SLC2A9: variants seen among roughly 807,000 people sequenced by gnomAD.
SLC2A9 encodes solute carrier family 2, facilitated glucose transporter member 9.
In SLC2A9, 39 loss-of-function variants were observed where a neutral mutation model predicts 50.6. That is an observed-to-expected ratio of 0.77 (90% CI 0.60 to 1.01). The LOEUF (loss-of-function observed/expected upper bound fraction) is 1.01. Ranked by LOEUF, SLC2A9 falls within the 50% of genes least tolerant of loss-of-function variation. The pLI, the probability that SLC2A9 is intolerant of heterozygous loss-of-function variation, is 0.00. For missense variants in SLC2A9, 686 were observed against 677.6 expected (o/e 1.01, Z -0.14); for synonymous variants, 324 against 276.9 (o/e 1.17, Z -1.69).
intron 1 of SLC2A9, among the ~76,000 whole-genome samples, chr4:10,037,762 G>A (rs967605877): frequency 2.6e-5 from 4 of 151,820 alleles, no homozygotes; most frequent in South Asian, 2.1e-4. Flanking sequence ...CAGCCTGAGC[G>A]ACATGGTGAA....
At chr4:10,025,719 C>T (rs1763727250), upstream of SLC2A9, 1 of 607,014 alleles carries the variant, frequency 1.6e-6, no homozygotes, top group Non-Finnish European at 2.9e-6. Context: ...TCTTCTGAGC[C>T]TCATCCCAGA....
chr4:9,879,174 T>A (rs1734788502), intron 10 of SLC2A9: 1 of 984,650 alleles, frequency 1.0e-6, no homozygotes, highest in Non-Finnish European at 1.2e-6. Flanking sequence ...GGGGTGGGGA[T>A]ACACTAGGAG....
chr4:9,808,505 A>C (rs1306401102), intron 3 of SLC2A9, among the ~76,000 whole-genome samples: 1 of 152,130 alleles, frequency 6.6e-6, no homozygotes, highest in Non-Finnish European at 1.5e-5. Context: ...TATCAGTAAT[A>C]ATAATTATTG....
chr4:9,811,892 C>T (rs1409536036), intron 3 of SLC2A9, among the ~76,000 whole-genome samples: 6 of 151,934 alleles, frequency 3.9e-5, no homozygotes, highest in East Asian at 1.9e-4. Flanking sequence ...CAGAGAAAAG[C>T]GGAAGGAAAA....
downstream of SLC2A9, among the ~76,000 whole-genome samples, chr4:9,779,270 T>C (rs1441115278): frequency 6.6e-6 from 1 of 152,176 alleles, no homozygotes; most frequent in South Asian, 2.1e-4. Flanking sequence ...CCAGAAAGCC[T>C]TCCCTAAACA....
intron 3 of SLC2A9, among the ~76,000 whole-genome samples, chr4:9,793,362 G>C (rs1254949433): frequency 2.6e-5 from 4 of 152,216 alleles, no homozygotes; most frequent in Non-Finnish European, 1.5e-5. Context: ...CCAGTTGACT[G>C]TCCTTGCTGT....
chr4:9,782,661 A>T, intron 3 of SLC2A9: 1 of 1,613,980 alleles, frequency 6.2e-7, no homozygotes, highest in Non-Finnish European at 8.5e-7. Flanking sequence ...TGGGAGCCCG[A>T]CGTGAATGCA....
intron 10 of SLC2A9, among the ~76,000 whole-genome samples, chr4:9,886,283 C>T (rs1406074842): frequency 6.6e-6 from 1 of 152,204 alleles, no homozygotes; most frequent in Non-Finnish European, 1.5e-5. Flanking sequence ...GATGCAGATG[C>T]CCTGGAAGAC....
chr4:9,805,117 G>A (rs995526609), intron 3 of SLC2A9, among the ~76,000 whole-genome samples: 1 of 152,196 alleles, frequency 6.6e-6, no homozygotes, highest in Non-Finnish European at 1.5e-5. Flanking sequence ...AGCTGGGCTA[G>A]GCTGAGTTAG....
intron 5 of SLC2A9, among the ~76,000 whole-genome samples, chr4:9,975,998 A>C (rs1463472251): frequency 6.6e-6 from 1 of 152,238 alleles, no homozygotes; most frequent in East Asian, 1.9e-4. Context: ...ACACAGGAAC[A>C]GAAAACCAAA....
At chr4:9,861,957 T>C (rs890302888) in intron 10 of SLC2A9, among the ~76,000 whole-genome samples, 2 of 152,236 alleles carry the variant, frequency 1.3e-5, no homozygotes, top group South Asian at 4.1e-4. Flanking sequence ...CACGGAGTTA[T>C]GAGATCTTCT....
At chr4:9,996,759 A>G (rs1758745977) in intron 3 of SLC2A9, 22 bp downstream of exon 3, 1 of 1,612,600 alleles carries the variant, frequency 6.2e-7, no homozygotes, top group South Asian at 1.1e-5. Flanking sequence ...GCACCCCCAG[A>G]TAGAGACAGC....
chr4:9,782,826 C>T, intron 3 of SLC2A9: 1 of 1,613,380 alleles, frequency 6.2e-7, no homozygotes. Context: ...GAGAGGGCCG[C>T]AGAGCACGCG....
chr4:10,027,728 A>T (rs906227200), intron 1 of SLC2A9, among the ~76,000 whole-genome samples: 16 of 151,136 alleles, frequency 1.1e-4, no homozygotes, highest in Non-Finnish European at 5.9e-5. Context: ...TTTTTTTTTT[A>T]TTGATACATA....
At chr4:9,931,279 T>C (rs1258429024) in intron 6 of SLC2A9, among the ~76,000 whole-genome samples, 1 of 152,182 alleles carries the variant, frequency 6.6e-6, no homozygotes, top group Non-Finnish European at 1.5e-5. Flanking sequence ...TTCCTAGCCA[T>C]GTTCTAATCA....
chr4:9,971,978 T>C (rs960719533), intron 5 of SLC2A9, among the ~76,000 whole-genome samples: 2 of 152,230 alleles, frequency 1.3e-5, no homozygotes, highest in African/African-American at 2.4e-5. Flanking sequence ...AAGATAACTA[T>C]CTCAAAAACA....
chr4:9,798,500 A>G (rs1250029311), downstream of SLC2A9, among the ~76,000 whole-genome samples: 1 of 152,100 alleles, frequency 6.6e-6, no homozygotes, highest in East Asian at 1.9e-4. Context: ...CACACCCCCA[A>G]CTTCCCCGCC....
rs559398229 is a variant in SLC2A9 at position 9,997,426 on chromosome 4, G to A, written c.250-485C>T. On this transcript the variant is annotated intron_variant, in intron 2 of 11. Coordinates refer to ENST00000264784, the MANE Select transcript of SLC2A9 (RefSeq NM_020041.3). ...GTTAAAGGGCACATACCGGGTGGGC[G>A]CAGAGGCCCACACCTGTAATCCCAG... is the stretch of plus-strand genomic sequence containing the variant. 2.0e-5 allele frequency among the ~76,000 whole-genome samples: 3 copies of A among 152,256 alleles called. No individual in the cohort carries two copies. The South Asian group carries it at 6.2e-4, about 32-fold the overall frequency.
chr4:9,985,634 G>A, intron 4 of SLC2A9, 35 bp downstream of exon 4: 1 of 1,613,672 alleles, frequency 6.2e-7, no homozygotes, highest in South Asian at 1.1e-5. Context: ...CAAGGAGTAT[G>A]TTACTGTTCC....
Sources: gnomAD v4.1 joint callset for allele counts (sites outside exome capture counted in the v4.1 genomes callset) on GRCh38, gnomAD v4.1.1 for gene constraint, MANE v1.5 for transcripts, NCBI Gene and HGNC (gene_info 2026-07-23, HGNC 2026-07-21) for gene names.